Variants in BANF2 observed in about 807,000 individuals in gnomAD.
BANF2 encodes the protein BANF family member 2.
A neutral mutation model predicts 8.0 loss-of-function variants in BANF2; 4 were observed. That is an observed-to-expected ratio of 0.50 (90% confidence interval 0.25 to 1.14). The LOEUF is 1.14. Among genes scored for constraint, BANF2 ranks in the 50% most tolerant of loss-of-function variants. The probability of loss-of-function intolerance (pLI) is 0.16; values close to 1 mark genes in which losing one functional copy is unlikely to be tolerated. For synonymous variants in BANF2, 50 were observed against 40.6 expected (o/e 1.23, Z -0.88); for missense variants, 96 against 107.5 (o/e 0.89, Z 0.47).
intron 3 of BANF2, among the ~76,000 whole-genome samples, chr20:17,728,990 A>G (rs982976357): frequency 1.5e-4 from 23 of 152,200 alleles, no homozygotes; most frequent in African/African-American, 5.5e-4. Context: ...ATGAGAGAAA[A>G]TATATTTTAG....
chr20:17,722,225 C>T (rs2037742611), intron 1 of BANF2, among the ~76,000 whole-genome samples: 1 of 152,254 alleles, frequency 6.6e-6, no homozygotes, highest in Non-Finnish European at 1.5e-5. Context: ...AAAGTGAGCT[C>T]AGGTGTGTGA....
At chr20:17,715,776 C>T (rs2037642565) in intron 1 of BANF2, among the ~76,000 whole-genome samples, 1 of 152,228 alleles carries the variant, frequency 6.6e-6, no homozygotes. Context: ...TCAGTTAGAA[C>T]TCTGTTATAA....
intron 3 of BANF2, 126 bp downstream of exon 3, chr20:17,725,277 G>A (rs570819859): frequency 1.2e-4 from 143 of 1,234,974 alleles, no homozygotes; most frequent in African/African-American, 1.0e-3. Context: ...GCCGCTTGGC[G>A]GGGTGCCACA....
chr20:17,719,249 C>T (rs867555641), intron 1 of BANF2, among the ~76,000 whole-genome samples: 6 of 152,104 alleles, frequency 3.9e-5, no homozygotes, highest in South Asian at 2.1e-4. Flanking sequence ...CTCAGCCTTC[C>T]GAGTAGCTGG....
upstream of BANF2, among the ~76,000 whole-genome samples, chr20:17,697,110 C>T (rs2037352604): frequency 6.6e-6 from 1 of 152,054 alleles, no homozygotes; most frequent in Non-Finnish European, 1.5e-5. Flanking sequence ...GAGCAGAACA[C>T]CTAGGAAAGC....
chr20:17,707,367 A>C (rs1414813599), intron 1 of BANF2, among the ~76,000 whole-genome samples: 2,157 of 127,236 alleles, frequency 0.017, 59 homozygotes, highest in African/African-American at 0.064. Context: ...TGGGGGACAG[A>C]GCGAGACTCT....
At chr20:17,695,118 G>C (rs1461838929), upstream of BANF2, among the ~76,000 whole-genome samples, 1 of 152,040 alleles carries the variant, frequency 6.6e-6, no homozygotes. Flanking sequence ...CTTGCCTTTA[G>C]CAGCTTGAAA....
intron 1 of BANF2, among the ~76,000 whole-genome samples, chr20:17,707,123 C>T (rs1052354892): frequency 6.6e-6 from 1 of 152,120 alleles, no homozygotes; most frequent in Non-Finnish European, 1.5e-5. Flanking sequence ...GTGGCTCACG[C>T]CTGTAATCCC....
chr20:17,719,104 GGTT>G (rs749534960), intron 1 of BANF2, among the ~76,000 whole-genome samples: 6 of 151,962 alleles, frequency 3.9e-5, no homozygotes, highest in African/African-American at 7.2e-5. Context: ...CCAGGTGCAT[GGTT>G]GTTGTTGTTG....
intron 3 of BANF2, among the ~76,000 whole-genome samples, chr20:17,734,580 A>G (rs1293197362): frequency 6.6e-6 from 1 of 152,160 alleles, no homozygotes; most frequent in Non-Finnish European, 1.5e-5. Context: ...TGTCAGCCCC[A>G]TGTGCAGTGG....
chr20:17,702,369 G>A (rs1215254412), intron 1 of BANF2, among the ~76,000 whole-genome samples: 1 of 152,310 alleles, frequency 6.6e-6, no homozygotes, highest in Middle Eastern at 3.4e-3. Context: ...TCTATACACG[G>A]ACAGATGTTA....
intron 2 of BANF2, among the ~76,000 whole-genome samples, chr20:17,723,139 C>T (rs1302659995): frequency 2.0e-5 from 3 of 151,598 alleles, no homozygotes; most frequent in African/African-American, 7.3e-5. Flanking sequence ...AACAGGATAA[C>T]TATCTTGATT....
At chr20:17,698,017 C>T (rs1247586246), upstream of BANF2, among the ~76,000 whole-genome samples, 1 of 151,370 alleles carries the variant, frequency 6.6e-6, no homozygotes, top group Non-Finnish European at 1.5e-5. Flanking sequence ...CCAGCCTGGC[C>T]AAAAAAGTGA....
chr20:17,702,519 G>A (rs1353236988), intron 1 of BANF2, among the ~76,000 whole-genome samples: 2 of 152,198 alleles, frequency 1.3e-5, no homozygotes, highest in Non-Finnish European at 2.9e-5. Flanking sequence ...ACTTAAATGA[G>A]GTTGCAAAGA....
chr20:17,714,604 T>C (rs969127421), intron 1 of BANF2, among the ~76,000 whole-genome samples: 23 of 152,216 alleles, frequency 1.5e-4, no homozygotes, highest in Non-Finnish European at 1.8e-4. Context: ...GCTGCAGGCA[T>C]GGTGATCTTA....
upstream of BANF2, among the ~76,000 whole-genome samples, chr20:17,695,295 TA>T (rs746524196): frequency 5.4e-5 from 8 of 149,032 alleles, no homozygotes; most frequent in Middle Eastern, 3.4e-3. Flanking sequence ...AAACAATAAT[TA>T]AAAAAAAATT....
intron 1 of BANF2, among the ~76,000 whole-genome samples, chr20:17,700,363 G>A (rs765136260): frequency 2.0e-5 from 3 of 151,796 alleles, no homozygotes; most frequent in Admixed American, 1.3e-4. Context: ...GAGCAGAGAG[G>A]CCAGGCTTTC....
intron 3 of BANF2, among the ~76,000 whole-genome samples, chr20:17,728,508 T>C (rs996263438): frequency 3.3e-5 from 5 of 152,132 alleles, no homozygotes; most frequent in Non-Finnish European, 5.9e-5. Flanking sequence ...GCCCCTACAT[T>C]GAGTACCTTC....
At chr20:17,707,023 AC>A (rs1439226107) in intron 1 of BANF2, among the ~76,000 whole-genome samples, 1 of 152,176 alleles carries the variant, frequency 6.6e-6, no homozygotes, top group Non-Finnish European at 1.5e-5. Flanking sequence ...ACCGGGGACC[AC>A]ATCTTGGCAC....
Sources: allele counts gnomAD v4.1 joint callset (sites outside exome capture counted in the v4.1 genomes callset), GRCh38; gene constraint gnomAD v4.1.1; transcripts MANE v1.5; gene names NCBI Gene and HGNC (gene_info 2026-07-23, HGNC 2026-07-21).